Variants in LRRC19 observed in about 807,000 individuals in gnomAD.
LRRC19 encodes the protein leucine rich repeat containing 19.
Under a neutral mutation model 33.3 loss-of-function variants are expected in LRRC19, and 33 were observed. The observed-to-expected ratio is 0.99, with a 90% CI of 0.75 to 1.33. The LOEUF is 1.33. Ranked by LOEUF, LRRC19 falls within the 40% of genes most tolerant of loss-of-function variation. The probability of loss-of-function intolerance (pLI) is 0.00; values close to 1 mark genes in which losing one functional copy is unlikely to be tolerated. For synonymous variants in LRRC19, 184 were observed against 152.3 expected (o/e 1.21, Z -1.53); for missense variants, 463 against 417.3 (o/e 1.11, Z -0.95).
rs1828160129 is a variant in LRRC19 at position 26,996,426 on chromosome 9, C to T, written c.669G>A (p.Lys223=). 1 of 1,605,112 alleles carries T rather than the reference C, an allele frequency of 6.2e-7. No homozygotes were observed. The highest frequency in any genetic ancestry group is 8.5e-7 in the Non-Finnish European group (1 of 1,174,378). ...AAGGAAATTTTGAGTGGCATTCAGC[C>T]TTATGAGGTACTGTTTTGATATTGT... ...QSYNIKTVPH[K]AECHSKFPSS... is the part of the protein sequence containing the mutation. The change falls in exon 4 of 5, where the codon AAG becomes AAA. Residue 223 remains lysine (K), a synonymous_variant. Transcript: ENST00000380055.
chr9:26,998,063 A>G lies in LRRC19; in HGVS notation c.260T>C (p.Ile87Thr). ...GTTACCAAAACCGTTATTATGTAAGATAGTAACCTTGTTCTCAATCAAATA... is the reference window on the plus strand; with the variant it reads ...GTTACCAAAACCGTTATTATGTAAGGTAGTAACCTTGTTCTCAATCAAATA... ...ELYLIENKVT[I>T]LHNNGFGNLS... The change falls in exon 3 of 5, where the codon ATC becomes ACC. Residue 87 changes from isoleucine (I) to threonine (T), a missense_variant. Coordinates refer to ENST00000380055, the MANE Select transcript of LRRC19 (RefSeq NM_022901.3). The G allele has an allele frequency of 6.2e-7, 1 of 1,613,556 alleles. No individual in the cohort carries two copies.
intron 1 of LRRC19, among the ~76,000 whole-genome samples, chr9:27,000,523 A>G (rs1828425450): frequency 6.6e-6 from 1 of 152,200 alleles, no homozygotes; most frequent in African/African-American, 2.4e-5. Context: ...GGCGTGGTAG[A>G]TATACATAGT....
chr9:27,002,782 T>G (rs55902149), intron 1 of LRRC19, among the ~76,000 whole-genome samples: 1 of 152,202 alleles, frequency 6.6e-6, no homozygotes, highest in Non-Finnish European at 1.5e-5. Flanking sequence ...GGATCTTTTA[T>G]GGTTCCATAT....
chr9:27,005,540 A>G (rs1350355102), intron 1 of LRRC19, 52 bp downstream of exon 1: 1 of 151,402 alleles, frequency 6.6e-6, no homozygotes, highest in Non-Finnish European at 1.5e-5. Flanking sequence ...AAACTTAAAT[A>G]TGATTAAAAA....
In LRRC19 at chr9:26,995,810, CCAA is replaced by C. The variant is rs750148335; in HGVS notation, c.821_823del (p.Val274del). ...AGTCGTCAGTACAGTGACAACAACACCAACAAGAAAAGCCCAACTTTTTCCAAG... is the reference window on the plus strand; with the variant it reads ...AGTCGTCAGTACAGTGACAACAACACCAAGAAAAGCCCAACTTTTTCCAAG... On this transcript the variant is annotated inframe_deletion, in exon 5 of 5. Coordinates refer to ENST00000380055, the MANE Select transcript of LRRC19 (RefSeq NM_022901.3). 6.2e-7 allele frequency: 1 copy of C among 1,608,322 alleles called. No homozygotes were observed. The highest frequency in any genetic ancestry group is 1.7e-5 in the Admixed American group (1 of 59,244).
intron 1 of LRRC19, among the ~76,000 whole-genome samples, chr9:27,000,518 G>T (rs1000532138): frequency 2.6e-5 from 4 of 152,020 alleles, no homozygotes; most frequent in Admixed American, 2.0e-4. Flanking sequence ...ATTGAGGCGT[G>T]GTAGATATAC....
At chr9:26,999,987 T>C (rs536689253) in intron 1 of LRRC19, among the ~76,000 whole-genome samples, 1 of 152,206 alleles carries the variant, frequency 6.6e-6, no homozygotes, top group Non-Finnish European at 1.5e-5. Flanking sequence ...CTCAGCCTGG[T>C]ATCAAACTCC....
At chr9:27,000,494 CTT>C (rs1828422950) in intron 1 of LRRC19, among the ~76,000 whole-genome samples, 1 of 152,118 alleles carries the variant, frequency 6.6e-6, no homozygotes, top group Non-Finnish European at 1.5e-5. Flanking sequence ...CCCATGGTAA[CTT>C]TTAAAAATTT....
chr9:27,003,481 C>G (rs969758653), intron 1 of LRRC19, among the ~76,000 whole-genome samples: 1 of 152,028 alleles, frequency 6.6e-6, no homozygotes, highest in African/African-American at 2.4e-5. Context: ...CGTGATCATG[C>G]CACTGTGCTC....
rs773434190 is a variant in LRRC19 at position 26,993,226 on chromosome 9, C to T, written c.*2295G>A. 2.2e-4 allele frequency: 33 copies of T among 152,230 alleles called. No individual in the cohort carries two copies. Among genetic ancestry groups the T allele is most frequent in the Non-Finnish European group, 4.0e-4 (27 of 67,988 alleles). The allele number at this position is 152,230 out of a possible 1,614,324, so 9.4% of individuals were successfully genotyped here. A position where few individuals can be genotyped will look rare whatever the true frequency, so the allele number is the denominator to read the frequency against. On this transcript the variant is annotated 3_prime_UTR_variant, in exon 5 of 5. Transcript: ENST00000380055. ...TAAAAGCTTAAGTGTAGTCTTTGCTCATTTGCAATTATATTTCATTTTGCT... is the reference window on the plus strand; with the variant it reads ...TAAAAGCTTAAGTGTAGTCTTTGCTTATTTGCAATTATATTTCATTTTGCT...
At chr9:27,002,009 G>A (rs117921008) in intron 1 of LRRC19, among the ~76,000 whole-genome samples, 1,545 of 151,870 alleles carry the variant, frequency 0.01, 14 homozygotes, top group Middle Eastern at 0.024. Flanking sequence ...CAGGATGCAC[G>A]TCTGGGGGGT....
At chr9:26,996,762 T>C (rs947838550) in intron 3 of LRRC19, among the ~76,000 whole-genome samples, 1 of 151,952 alleles carries the variant, frequency 6.6e-6, no homozygotes, top group Non-Finnish European at 1.5e-5. Flanking sequence ...TGTGGTTACA[T>C]GGTTACAATC....
rs1828167207 is a variant in LRRC19, at chr9:26,996,511, G to T, written c.596-12C>A. 3 of 1,411,222 alleles carry T rather than the reference G, an allele frequency of 2.1e-6. No homozygotes were observed. Among genetic ancestry groups the T allele is most frequent in the Non-Finnish European group, 2.8e-6 (3 of 1,067,892 alleles). The allele number at this position is 1,411,222 out of a possible 1,614,324, so 87.4% of individuals were successfully genotyped here. On this transcript the variant is annotated splice_polypyrimidine_tract_variant and intron_variant, in intron 3 of 4. Transcript: ENST00000380055. ...GATGTTCTCATTTTCTAGTAAATCA[G>T]AAAGAATAAGATTTAGTATAGAGAA...
intron 1 of LRRC19, among the ~76,000 whole-genome samples, chr9:27,000,285 A>C (rs1359180551): frequency 6.6e-6 from 1 of 152,192 alleles, no homozygotes; most frequent in African/African-American, 2.4e-5. Flanking sequence ...AAGCAATTTA[A>C]GTGGTTGTAA....
rs745535168 is a variant in LRRC19, at chr9:26,999,623, A to G, written c.72T>C (p.Ser24=). The G allele has an allele frequency of 3.1e-6, 5 of 1,598,470 alleles. No individual in the cohort carries two copies. In the South Asian group the frequency reaches 4.5e-5, roughly 14 times the overall value. The change falls in exon 2 of 5, where the codon TCT becomes TCC. Residue 24 remains serine, a synonymous_variant. Coordinates refer to ENST00000380055, the MANE Select transcript of LRRC19 (RefSeq NM_022901.3). The part of the protein sequence containing the change: ...SMILLSDKIQ[S]SKREVQCNFT... ...GATTGTAAAAACTTACTCTTTTAGA[A>G]GACTGGATTTTGTCTGATAATAATA...
Position 26,995,499 on chromosome 9 carries a change from A to G in LRRC19, c.*22T>C, listed in dbSNP as rs549115371. ...CTGAGTGAGCTGATAACTTTGCTTT[A>G]AAAAGCAAACTTTGAAAGAAATTAA... is the stretch of plus-strand genomic sequence containing the variant. On this transcript the variant is annotated 3_prime_UTR_variant, in exon 5 of 5. Coordinates refer to ENST00000380055, the MANE Select transcript of LRRC19 (RefSeq NM_022901.3). 18 of 1,439,600 alleles carry G rather than the reference A, an allele frequency of 1.3e-5. No homozygotes were observed. The highest frequency in any genetic ancestry group is 2.4e-4 in the Middle Eastern group (1 of 4,238). The allele number at this position is 1,439,600 out of a possible 1,614,324, so 89.2% of individuals were successfully genotyped here. A position where few individuals can be genotyped will look rare whatever the true frequency, so the allele number is the denominator to read the frequency against.
rs1214895234 is a variant in LRRC19, at chr9:26,997,867, C to G, written c.456G>C (p.Leu152=). The G allele has an allele frequency of 6.2e-7, 1 of 1,614,008 alleles. No individual in the cohort carries two copies. Among genetic ancestry groups the G allele is most frequent in the Non-Finnish European group, 8.5e-7 (1 of 1,180,010 alleles). ...CCAAATAGCTAATCAAATTGCCTTG[C>G]AGATTCAGAAGTTTTAGGCTTCTTA... The part of the protein sequence containing the change: ...VPLRSLKLLN[L]QGNLISYLDV... Residue 152 remains leucine, a synonymous_variant, in exon 3 of 5, where the codon CTG becomes CTC. Coordinates refer to ENST00000380055, the MANE Select transcript of LRRC19 (RefSeq NM_022901.3).
rs1828166793 is a variant in LRRC19, at chr9:26,996,508, T to G, written c.596-9A>C. 2.1e-6 allele frequency: 3 copies of G among 1,417,322 alleles called. No individual in the cohort carries two copies. Among genetic ancestry groups the G allele is most frequent in the Non-Finnish European group, 2.8e-6 (3 of 1,072,034 alleles). 87.8% of individuals were successfully genotyped at this position (1,417,322 alleles called of 1,614,324 possible). A position where few individuals can be genotyped will look rare whatever the true frequency, so the allele number is the denominator to read the frequency against. On this transcript the variant is annotated splice_polypyrimidine_tract_variant and intron_variant, in intron 3 of 4. Transcript: ENST00000380055. ...GGTGATGTTCTCATTTTCTAGTAAA[T>G]CAGAAAGAATAAGATTTAGTATAGA...
chr9:27,000,521 A>G (rs1321206745), intron 1 of LRRC19, among the ~76,000 whole-genome samples: 1 of 152,216 alleles, frequency 6.6e-6, no homozygotes, highest in Non-Finnish European at 1.5e-5. Flanking sequence ...GAGGCGTGGT[A>G]GATATACATA....
Sources: allele counts gnomAD v4.1 joint callset (sites outside exome capture counted in the v4.1 genomes callset), GRCh38; gene constraint gnomAD v4.1.1; transcripts MANE v1.5; gene names NCBI Gene and HGNC (gene_info 2026-07-23, HGNC 2026-07-21).